RALGPS1: variants seen among roughly 807,000 people sequenced by gnomAD.
RALGPS1 encodes ras-specific guanine nucleotide-releasing factor RalGPS1.
A neutral mutation model predicts 78.8 loss-of-function variants in RALGPS1; 19 were observed. That is an observed-to-expected ratio of 0.24 (90% CI 0.17 to 0.35). The LOEUF is 0.35. Among genes scored for constraint, RALGPS1 ranks in the 10% least tolerant of loss-of-function variants. The pLI is 1.00. For missense variants in RALGPS1, 454 were observed against 688.3 expected (o/e 0.66, Z 3.81); for synonymous variants, 228 against 256.3 (o/e 0.89, Z 1.06).
chr9:126,959,634 CT>C (rs2038691019), intron 1 of RALGPS1, among the ~76,000 whole-genome samples: 1 of 150,240 alleles, frequency 6.7e-6, no homozygotes, highest in Non-Finnish European at 1.5e-5. Context: ...TTATCAAGTA[CT>C]TGGAAAAGTG....
intron 4 of RALGPS1, among the ~76,000 whole-genome samples, chr9:126,978,596 G>C (rs1351176842): frequency 6.9e-6 from 1 of 145,808 alleles, no homozygotes; most frequent in Admixed American, 6.8e-5. Context: ...ACAAAAGAGC[G>C]AGACTCTGTC....
chr9:127,102,560 C>T (rs1247571812), intron 8 of RALGPS1, among the ~76,000 whole-genome samples: 1 of 152,160 alleles, frequency 6.6e-6, no homozygotes, highest in South Asian at 2.1e-4. Context: ...GATAGTTTAT[C>T]TCCTATGACT....
chr9:126,992,077 G>A (rs1438300211), intron 4 of RALGPS1, among the ~76,000 whole-genome samples: 2 of 152,150 alleles, frequency 1.3e-5, no homozygotes, highest in Non-Finnish European at 2.9e-5. Context: ...ATTTCCACCT[G>A]TATGGCTTAA....
rs75430689 is a variant in RALGPS1, at chr9:126,989,451, C to T, written c.216+11706C>T. ...GAGGGGAAGTAGAGGTGTTAGGACC[C>T]GGCTTGGGCCTCCCTGAAGACAAGC... is the stretch of plus-strand genomic sequence containing the variant. On this transcript the variant is annotated intron_variant, in intron 4 of 18. Coordinates refer to ENST00000259351, the MANE Select transcript of RALGPS1 (RefSeq NM_014636.3). 1.4e-4 allele frequency among the ~76,000 whole-genome samples: 21 copies of T among 152,274 alleles called. No individual in the cohort carries two copies. The East Asian group carries it at 2.7e-3, about 20-fold the overall frequency.
At chr9:127,036,382 T>G (rs888736534) in intron 5 of RALGPS1, among the ~76,000 whole-genome samples, 9 of 152,214 alleles carry the variant, frequency 5.9e-5, no homozygotes, top group African/African-American at 2.2e-4. Context: ...AGACTCCAAA[T>G]AAAAGAAAGC....
intron 8 of RALGPS1, among the ~76,000 whole-genome samples, chr9:127,130,289 A>G (rs895259470): frequency 1.1e-4 from 17 of 152,230 alleles, no homozygotes; most frequent in African/African-American, 4.1e-4. Flanking sequence ...GTGAGTACAG[A>G]TGTCCTAGTG....
chr9:127,029,881 G>A (rs906478082), intron 4 of RALGPS1, among the ~76,000 whole-genome samples: 11 of 152,236 alleles, frequency 7.2e-5, no homozygotes, highest in African/African-American at 2.7e-4. Flanking sequence ...AGTGGAGTGA[G>A]CCTCATGGTG....
chr9:127,091,713 G>A lies in RALGPS1; in HGVS notation c.610+22357G>A. Reference sequence around the variant, plus strand: ...CTCTGTCCAGGGTGGTGAACTGCTTGCCGTTGTGCCATGTAAAGGAGTCAC... The same window carrying A: ...CTCTGTCCAGGGTGGTGAACTGCTTACCGTTGTGCCATGTAAAGGAGTCAC... On this transcript the variant is annotated intron_variant, in intron 8 of 18. Coordinates refer to ENST00000259351, the MANE Select transcript of RALGPS1 (RefSeq NM_014636.3). This position sits in a 1 kb window ranked among gnomAD's most constrained non-coding sequence, Gnocchi z 4.3. The A allele has an allele frequency of 1.2e-6, 2 of 1,614,022 alleles. No homozygotes were observed. The highest frequency in any genetic ancestry group is 1.7e-6 in the Non-Finnish European group (2 of 1,180,038).
chr9:127,167,380 A>T (rs1406523293), intron 9 of RALGPS1, among the ~76,000 whole-genome samples: 1 of 152,222 alleles, frequency 6.6e-6, no homozygotes, highest in African/African-American at 2.4e-5. Context: ...GCACAAATAC[A>T]TTGATACTTG....
chr9:127,119,678 C>G (rs1299798017), intron 8 of RALGPS1, among the ~76,000 whole-genome samples: 2 of 152,170 alleles, frequency 1.3e-5, no homozygotes, highest in Non-Finnish European at 2.9e-5. Flanking sequence ...GATGGAGGGC[C>G]AGATGGAGGA....
chr9:126,932,860 G>A (rs7470009), intron 1 of RALGPS1, among the ~76,000 whole-genome samples: 58,343 of 152,090 alleles, frequency 0.38, 12,970 homozygotes, highest in Non-Finnish European at 0.48. Flanking sequence ...GTGAAGGATC[G>A]TAAAGTTTGG....
At chr9:127,115,174 T>C (rs1321453635) in intron 8 of RALGPS1, among the ~76,000 whole-genome samples, 2 of 151,996 alleles carry the variant, frequency 1.3e-5, no homozygotes, top group African/African-American at 2.4e-5. Context: ...GTCTGTTGTC[T>C]TACGTAATTA....
intron 8 of RALGPS1, among the ~76,000 whole-genome samples, chr9:127,084,577 C>A (rs961847127): frequency 3.2e-4 from 49 of 152,190 alleles, no homozygotes; most frequent in African/African-American, 7.2e-4. Context: ...TTATGCTGTC[C>A]CATGCCAGGC....
At position 127,050,062 on chromosome 9, in the gene RALGPS1, G is replaced by A. The variant is rs756598562; in HGVS notation, c.320G>A (p.Arg107Gln). 6.2e-6 allele frequency: 10 copies of A among 1,613,746 alleles called. No homozygotes were observed. The highest frequency in any genetic ancestry group is 8.5e-6 in the Non-Finnish European group (10 of 1,179,758). ...RFNQVSFWVV[R>Q]EILTAQTLKI... ...CTACAGGTCAGTTTTTGGGTTGTAC[G>A]AGAAATTCTAACAGCACAGACTTTA... The change falls in exon 6 of 19, where the codon CGA (arginine) becomes CAA (glutamine). Residue 107 changes from arginine to glutamine, a missense_variant. Physicochemically the swap from Arg to Gln is conservative, Grantham distance 43. Transcript: ENST00000259351.
intron 8 of RALGPS1, among the ~76,000 whole-genome samples, chr9:127,154,044 C>G (rs774448622): frequency 6.6e-6 from 1 of 152,192 alleles, no homozygotes; most frequent in Non-Finnish European, 1.5e-5. Flanking sequence ...AGTGACGGCC[C>G]AGGCTCTCCC....
intron 5 of RALGPS1, among the ~76,000 whole-genome samples, chr9:127,041,856 C>T (rs942586359): frequency 1.3e-5 from 2 of 152,158 alleles, no homozygotes; most frequent in South Asian, 4.1e-4. Flanking sequence ...GGGATGGAAA[C>T]GGGGAGGCAG....
intron 4 of RALGPS1, among the ~76,000 whole-genome samples, chr9:127,026,166 A>C (rs900716334): frequency 9.2e-5 from 14 of 152,184 alleles, no homozygotes; most frequent in African/African-American, 2.9e-4. Context: ...TGAGTCCCAA[A>C]ACTGAAGAAC....
At chr9:127,169,160 C>G (rs891460899) in intron 10 of RALGPS1, among the ~76,000 whole-genome samples, 2 of 152,240 alleles carry the variant, frequency 1.3e-5, no homozygotes, top group Non-Finnish European at 2.9e-5. Flanking sequence ...GTGACTCCCC[C>G]ACCCACAGTG....
At chr9:126,995,007 C>A (rs2042606517) in intron 4 of RALGPS1, among the ~76,000 whole-genome samples, 1 of 152,150 alleles carries the variant, frequency 6.6e-6, no homozygotes, top group Non-Finnish European at 1.5e-5. Flanking sequence ...ACCAGGCCTG[C>A]CCTACAAGAG....
Sources: allele counts gnomAD v4.1 joint callset (sites outside exome capture counted in the v4.1 genomes callset), GRCh38; gene constraint gnomAD v4.1.1; non-coding constraint Gnocchi (gnomAD v3.1); transcripts MANE v1.5; gene names NCBI Gene and HGNC (gene_info 2026-07-23, HGNC 2026-07-21).